MICAL3: variants seen among roughly 807,000 people sequenced by gnomAD.
MICAL3 encodes microtubule associated monooxygenase, calponin and LIM domain containing 3.
MICAL3 carries 62 observed loss-of-function variants against 207.4 expected under a neutral mutation model. That is an observed-to-expected ratio of 0.30 (90% CI 0.24 to 0.37). MICAL3 has a LOEUF of 0.37. MICAL3 is among the 10% of genes least tolerant of loss of function. MICAL3 has a pLI of 1.00. For synonymous variants in MICAL3, 1,077 were observed against 1,069.3 expected (o/e 1.01, Z -0.14); for missense variants, 2,368 against 2,635.6 (o/e 0.90, Z 2.22).
At chr22:17,944,061 G>A (rs529498447) in intron 1 of MICAL3, among the ~76,000 whole-genome samples, 101 of 152,214 alleles carry the variant, frequency 6.6e-4, no homozygotes, top group African/African-American at 1.8e-3. Context: ...AGTGCTCCCC[G>A]CCAAGGACAG....
chr22:17,962,699 T>TGA (rs879643581), intron 1 of MICAL3, among the ~76,000 whole-genome samples: 10 of 97,736 alleles, frequency 1.0e-4, no homozygotes, highest in South Asian at 3.0e-4. Context: ...AATAAGCAAT[T>TGA]TCCAAGGACC....
rs940585433 is a variant in MICAL3 at position 17,894,050 on chromosome 22, C to A, written c.1450-146G>T. 4 of 635,992 alleles carry A rather than the reference C, an allele frequency of 6.3e-6. No homozygotes were observed. The African/African-American group carries it at 7.3e-5, about 12-fold the overall frequency. The allele number at this position is 635,992 out of a possible 1,614,324, so 39.4% of individuals were successfully genotyped here. A position where few individuals can be genotyped will look rare whatever the true frequency, so the allele number is the denominator to read the frequency against. On this transcript the variant is annotated intron_variant, in intron 10 of 31. Coordinates refer to ENST00000441493, the MANE Select transcript of MICAL3 (RefSeq NM_015241.3). ...GAAGTTAGGATGATGACCTTTAAATCTTTTATGAAATAAGGTGGGGTTTGA... is the reference window on the plus strand; with the variant it reads ...GAAGTTAGGATGATGACCTTTAAATATTTTATGAAATAAGGTGGGGTTTGA...
At position 17,865,937 on chromosome 22, in the gene MICAL3, G is replaced by T; in HGVS notation, c.2504C>A (p.Pro835His). 1 of 1,613,496 alleles carries T rather than the reference G, an allele frequency of 6.2e-7. No homozygotes were observed. The highest frequency in any genetic ancestry group is 8.5e-7 in the Non-Finnish European group (1 of 1,179,390). ...YAQRKRPAVAPLSGKEAKGPL... is the reference protein window; with the variant it reads ...YAQRKRPAVAHLSGKEAKGPL... Reference sequence around the variant, plus strand: ...AGTCACCATTACCTTTCCAGACAGGGGAGCCACTGCCGGTCTCTTCCTTTG... The same window carrying T: ...AGTCACCATTACCTTTCCAGACAGGTGAGCCACTGCCGGTCTCTTCCTTTG... Residue 835 changes from proline (P) to histidine (H), a missense_variant, in exon 18 of 32, where the codon CCC becomes CAC. Physicochemically the swap from Pro to His is moderately conservative, Grantham distance 77. Transcript: ENST00000441493.
intron 1 of MICAL3, among the ~76,000 whole-genome samples, chr22:17,964,299 T>G (rs542850366): frequency 6.6e-6 from 1 of 152,112 alleles, no homozygotes; most frequent in Non-Finnish European, 1.5e-5. Context: ...CTCACATCCC[T>G]CTCCTCACAT....
chr22:17,805,754 G>GT (rs1208195297), intron 29 of MICAL3, among the ~76,000 whole-genome samples: 1 of 152,186 alleles, frequency 6.6e-6, no homozygotes, highest in African/African-American at 2.4e-5. Context: ...TTGAGACAGA[G>GT]TTTCGCTCTT....
At chr22:17,847,492 C>T (rs1396940954) in intron 19 of MICAL3, among the ~76,000 whole-genome samples, 3 of 152,062 alleles carry the variant, frequency 2.0e-5, no homozygotes, top group East Asian at 1.9e-4. Context: ...ACCCTGCAGG[C>T]GCTCAGGCAC....
At chr22:17,836,701 G>A (rs1023111048) in intron 20 of MICAL3, among the ~76,000 whole-genome samples, 8 of 150,430 alleles carry the variant, frequency 5.3e-5, no homozygotes, top group African/African-American at 2.0e-4. Flanking sequence ...CTGGAGTGCA[G>A]TGGCGCGATC....
intron 1 of MICAL3, among the ~76,000 whole-genome samples, chr22:17,948,393 C>G (rs1165428066): frequency 2.0e-5 from 3 of 152,170 alleles, no homozygotes; most frequent in African/African-American, 7.2e-5. Context: ...TACCGGGGGG[C>G]CATGATGGTG....
intron 19 of MICAL3, chr22:17,861,419 G>A (rs906649026): frequency 1.0e-6 from 1 of 985,332 alleles, no homozygotes; most frequent in Non-Finnish European, 1.2e-6. Context: ...TCTCTGGCCG[G>A]TAATGAACCC....
intron 1 of MICAL3, among the ~76,000 whole-genome samples, chr22:17,930,448 C>T (rs1039879416): frequency 2.0e-5 from 3 of 152,196 alleles, no homozygotes; most frequent in Non-Finnish European, 2.9e-5. Context: ...GTTACAGTCA[C>T]ACAATGGAAT....
intron 19 of MICAL3, chr22:17,842,573 A>C (rs1924137549): frequency 6.2e-6 from 1 of 160,062 alleles, no homozygotes; most frequent in Non-Finnish European, 1.4e-5. Context: ...TTTCGGTTTC[A>C]TAAGGCCACG....
chr22:17,904,525 G>T, intron 3 of MICAL3, 107 bp downstream of exon 3: 1 of 845,196 alleles, frequency 1.2e-6, no homozygotes, highest in East Asian at 2.4e-5. Flanking sequence ...GAGATTAGAA[G>T]AAATTGGGTG....
rs189447545 is a variant in MICAL3, at chr22:17,877,234, T to G, written c.2242-5211A>C. 6.6e-3 allele frequency among the ~76,000 whole-genome samples: 227 copies of G among 34,214 alleles called. 1 individual carries two copies. Among genetic ancestry groups the G allele is most frequent in the African/African-American group, 7.4e-3 (46 of 6,178 alleles). The allele number at this position is 34,214 out of a possible 152,430, so 22.4% of individuals were successfully genotyped here. On this transcript the variant is annotated intron_variant, in intron 16 of 31. Coordinates refer to ENST00000441493, the MANE Select transcript of MICAL3 (RefSeq NM_015241.3). The stretch of plus-strand genomic sequence containing the variant: ...GAGGTTATGGAGGTTAGGGAGGTTA[T>G]GGAGGTTAGGGAGGTTAGGGAGGTT...
intron 19 of MICAL3, chr22:17,862,885 G>A: frequency 1.0e-6 from 1 of 985,396 alleles, no homozygotes; most frequent in Non-Finnish European, 1.2e-6. Flanking sequence ...AACTGTAAAG[G>A]TCCACACTGT....
At chr22:17,883,035 C>T (rs1929576336) in intron 16 of MICAL3, among the ~76,000 whole-genome samples, 1 of 152,234 alleles carries the variant, frequency 6.6e-6, no homozygotes, top group South Asian at 2.1e-4. Flanking sequence ...CCCTCTCCCT[C>T]TGCTCCTCCC....
intron 1 of MICAL3, among the ~76,000 whole-genome samples, chr22:17,982,797 A>G (rs1935986794): frequency 6.6e-6 from 1 of 151,588 alleles, no homozygotes; most frequent in Admixed American, 6.6e-5. Context: ...AAATAAAATA[A>G]AAAAGTTTTA....
rs1196796221 is a variant in MICAL3 at position 17,788,640 on chromosome 22, AAAGAG to A, written c.*2087_*2091del. 1 of 152,238 alleles carries A rather than the reference AAAGAG, an allele frequency of 6.6e-6. No individual in the cohort carries two copies. Among genetic ancestry groups the A allele is most frequent in the African/African-American group, 2.4e-5 (1 of 41,462 alleles). 9.4% of individuals were successfully genotyped at this position (152,238 alleles called of 1,614,324 possible). On this transcript the variant is annotated 3_prime_UTR_variant, in exon 32 of 32. Coordinates refer to ENST00000441493, the MANE Select transcript of MICAL3 (RefSeq NM_015241.3). ...AACCCTCCTCTCCCCTTTTTTAAGTAAAGAGAAAAGAAAAGGAGACCTTTGCCTCA... is the reference window on the plus strand; with the variant it reads ...AACCCTCCTCTCCCCTTTTTTAAGTAAAAAGAAAAGGAGACCTTTGCCTCA...
At chr22:17,904,428 C>T (rs755644438) in intron 3 of MICAL3, among the ~76,000 whole-genome samples, 24 of 152,228 alleles carry the variant, frequency 1.6e-4, no homozygotes, top group Non-Finnish European at 2.8e-4. Flanking sequence ...GATACACTCA[C>T]ATTTAAGAGT....
intron 20 of MICAL3, among the ~76,000 whole-genome samples, chr22:17,832,692 C>A (rs1390006022): frequency 6.6e-6 from 1 of 152,024 alleles, no homozygotes; most frequent in East Asian, 1.9e-4. Flanking sequence ...GAACTCAATT[C>A]TGTGTGACTG....
Sources: allele counts gnomAD v4.1 joint callset (sites outside exome capture counted in the v4.1 genomes callset), GRCh38; gene constraint gnomAD v4.1.1; transcripts MANE v1.5; gene names NCBI Gene and HGNC (gene_info 2026-07-23, HGNC 2026-07-21).